Variants in PXDNL observed in about 807,000 individuals in gnomAD.
PXDNL encodes peroxidasin like, also known as probable oxidoreductase PXDNL.
Under a neutral mutation model 150.8 loss-of-function variants are expected in PXDNL, and 145 were observed. The observed-to-expected ratio is 0.96, with a 90% CI of 0.84 to 1.10. The LOEUF is 1.10. Ranked by LOEUF, PXDNL falls within the 50% of genes least tolerant of loss-of-function variation. The probability of loss-of-function intolerance (pLI) is 0.00; values close to 1 mark genes in which losing one functional copy is unlikely to be tolerated. For missense variants in PXDNL, 2,087 were observed against 1,873.9 expected (o/e 1.11, Z -2.10); for synonymous variants, 757 against 725.7 (o/e 1.04, Z -0.69).
At chr8:51,758,068 A>T (rs2037122233) in intron 1 of PXDNL, among the ~76,000 whole-genome samples, 1 of 152,196 alleles carries the variant, frequency 6.6e-6, no homozygotes, top group Non-Finnish European at 1.5e-5. Flanking sequence ...AATGTAAATA[A>T]TAATGTCAAA....
At chr8:51,478,980 A>G (rs537669183) in intron 6 of PXDNL, among the ~76,000 whole-genome samples, 1 of 152,346 alleles carries the variant, frequency 6.6e-6, no homozygotes, top group East Asian at 1.9e-4. Flanking sequence ...AACCAAAAAA[A>G]TCATCTTAAA....
intron 1 of PXDNL, among the ~76,000 whole-genome samples, chr8:51,695,072 A>T (rs1816087149): frequency 6.6e-6 from 1 of 152,132 alleles, no homozygotes; most frequent in Admixed American, 6.6e-5. Flanking sequence ...GAAAGGATGG[A>T]TGCTAAGGGC....
rs1352453773 is a variant in PXDNL at position 51,409,302 on chromosome 8, G to A, written c.2322C>T (p.Arg774=). 8 of 1,423,748 alleles carry A rather than the reference G, an allele frequency of 5.6e-6. No individual in the cohort carries two copies. Among genetic ancestry groups the A allele is most frequent in the Non-Finnish European group, 7.3e-6 (8 of 1,096,178 alleles). The allele number at this position is 1,423,748 out of a possible 1,614,324, so 88.2% of individuals were successfully genotyped here. The stretch of plus-strand genomic sequence containing the variant: ...CCAGCCGGGGCGGCGGGAGGGGCTG[G>A]CGGGAGCCCACAGGAAGGCCGAGCC... ...PRGLGLPVGS[R]QPLPPPRLVA... Residue 774 remains arginine, a synonymous_variant, in exon 17 of 23, where the codon CGC becomes CGT. Transcript: ENST00000356297.
At chr8:51,431,658 C>G (rs16916264) in intron 12 of PXDNL, among the ~76,000 whole-genome samples, 28,793 of 152,026 alleles carry the variant, frequency 0.19, 3,043 homozygotes, top group East Asian at 0.32. Flanking sequence ...GCTTTTTCTT[C>G]TCTCTACATT....
In PXDNL at chr8:51,472,232, C is replaced by T. The variant is rs183082353; in HGVS notation, c.767G>A (p.Arg256Gln). The T allele has an allele frequency of 1.3e-4, 216 of 1,613,498 alleles. No individual in the cohort carries two copies. Among genetic ancestry groups the T allele is most frequent in the Non-Finnish European group, 1.6e-4 (192 of 1,179,566 alleles). ...PSGNTVYFTC[R>Q]AEGNPKPEII... ...CTCAGGTTTGGGGTTTCCTTCCGCCCGGCAGGTGAAGTAGACGGTATTTCC... is the reference window on the plus strand; with the variant it reads ...CTCAGGTTTGGGGTTTCCTTCCGCCTGGCAGGTGAAGTAGACGGTATTTCC... The change falls in exon 8 of 23, where the codon CGG (arginine) becomes CAG (glutamine). Residue 256 changes from arginine to glutamine, a missense_variant. Coordinates refer to ENST00000356297, the MANE Select transcript of PXDNL (RefSeq NM_144651.5).
chr8:51,584,677 C>T (rs771831184), intron 3 of PXDNL, among the ~76,000 whole-genome samples: 1 of 152,082 alleles, frequency 6.6e-6, no homozygotes. Context: ...TATCAAATGC[C>T]ACATACCAGG....
At chr8:51,405,891 C>G (rs754020229) in intron 17 of PXDNL, among the ~76,000 whole-genome samples, 49 of 152,304 alleles carry the variant, frequency 3.2e-4, no homozygotes, top group Non-Finnish European at 4.7e-4. Context: ...AACATTCTCC[C>G]AGGCAAGGAT....
intron 1 of PXDNL, among the ~76,000 whole-genome samples, chr8:51,724,171 G>A (rs1295030287): frequency 6.6e-6 from 1 of 152,130 alleles, no homozygotes; most frequent in Non-Finnish European, 1.5e-5. Context: ...GAGCTCAGGA[G>A]AGAGTTTGGG....
chr8:51,650,656 T>A (rs1815015334), intron 2 of PXDNL, among the ~76,000 whole-genome samples: 1 of 152,228 alleles, frequency 6.6e-6, no homozygotes, highest in Non-Finnish European at 1.5e-5. Flanking sequence ...TGGTCTCATG[T>A]TGGTGAAGTT....
Position 51,606,953 on chromosome 8 carries a change from C to T in PXDNL, c.237-14255G>A, listed in dbSNP as rs183773767. Among the ~76,000 whole-genome samples the T allele has an allele frequency of 2.5e-3, 380 of 152,234 alleles. 1 individual carries two copies. The highest frequency in any genetic ancestry group is 7.1e-3 in the African/African-American group (296 of 41,536). On this transcript the variant is annotated intron_variant, in intron 2 of 22. Coordinates refer to ENST00000356297, the MANE Select transcript of PXDNL (RefSeq NM_144651.5). ...TCTTTTGCTCACTGTCAACAGTCTC[C>T]TACAAAATCTTTCCTCTCTAAAAAT...
intron 4 of PXDNL, among the ~76,000 whole-genome samples, chr8:51,525,623 G>A (rs981330467): frequency 6.6e-6 from 1 of 152,178 alleles, no homozygotes; most frequent in African/African-American, 2.4e-5. Flanking sequence ...ACATTCTAGT[G>A]TGGTGAGTCT....
chr8:51,692,113 T>C (rs1816014257), intron 1 of PXDNL, among the ~76,000 whole-genome samples: 1 of 152,222 alleles, frequency 6.6e-6, no homozygotes, highest in Non-Finnish European at 1.5e-5. Context: ...GGCCACCCTG[T>C]AAAAGACAAC....
At chr8:51,784,497 C>A (rs778597597) in intron 1 of PXDNL, among the ~76,000 whole-genome samples, 3 of 152,172 alleles carry the variant, frequency 2.0e-5, no homozygotes, top group Non-Finnish European at 4.4e-5. Context: ...AACCATAGGG[C>A]CTTTAGACAG....
At chr8:51,806,254 T>A (rs2037674388) in intron 1 of PXDNL, among the ~76,000 whole-genome samples, 1 of 152,108 alleles carries the variant, frequency 6.6e-6, no homozygotes, top group Admixed American at 6.6e-5. Flanking sequence ...ATGGAAAAAA[T>A]TAAGGAAATT....
chr8:51,542,850 C>T (rs1585565759), intron 4 of PXDNL, among the ~76,000 whole-genome samples: 1 of 151,406 alleles, frequency 6.6e-6, no homozygotes, highest in South Asian at 2.1e-4. Flanking sequence ...CACTCTTTTA[C>T]AATAAACTAG....
intron 19 of PXDNL, among the ~76,000 whole-genome samples, chr8:51,363,267 A>G (rs1451660474): frequency 6.6e-6 from 1 of 152,120 alleles, no homozygotes; most frequent in Non-Finnish European, 1.5e-5. Flanking sequence ...ATAGGGGAAG[A>G]CATTAGGGAA....
intron 17 of PXDNL, among the ~76,000 whole-genome samples, chr8:51,381,302 G>A (rs1807528615): frequency 6.6e-6 from 1 of 152,050 alleles, no homozygotes; most frequent in African/African-American, 2.4e-5. Flanking sequence ...GTCTTCTAGA[G>A]TCTTTTGCCA....
At chr8:51,638,227 T>C (rs373282096) in intron 2 of PXDNL, among the ~76,000 whole-genome samples, 9 of 152,222 alleles carry the variant, frequency 5.9e-5, no homozygotes, top group East Asian at 1.9e-4. Context: ...GAACAACCGG[T>C]ACCAGCCACT....
intron 16 of PXDNL, among the ~76,000 whole-genome samples, chr8:51,410,372 C>G (rs975673196): frequency 2.0e-5 from 3 of 152,198 alleles, no homozygotes; most frequent in Non-Finnish European, 2.9e-5. Flanking sequence ...ACCATTTGCA[C>G]TTTATCCATG....
Sources: gnomAD v4.1 joint callset for allele counts (sites outside exome capture counted in the v4.1 genomes callset) on GRCh38, gnomAD v4.1.1 for gene constraint, MANE v1.5 for transcripts, NCBI Gene and HGNC (gene_info 2026-07-23, HGNC 2026-07-21) for gene names.